Variants in SIDT2 observed in about 807,000 individuals in gnomAD.
SIDT2 encodes SID1 transmembrane family member 2.
In SIDT2, 68 loss-of-function variants were observed where a neutral mutation model predicts 114.4. The ratio of observed to expected loss-of-function variants is 0.59; its 90% CI spans 0.49 to 0.73. The LOEUF (loss-of-function observed/expected upper bound fraction) is 0.73, where lower values mean the gene tolerates loss of function less well. Among genes scored for constraint, SIDT2 ranks in the 30% least tolerant of loss-of-function variants. The probability of loss-of-function intolerance (pLI) is 0.00; values close to 1 mark genes in which losing one functional copy is unlikely to be tolerated. For missense variants in SIDT2, 918 were observed against 1,097.1 expected (o/e 0.84, Z 2.31); for synonymous variants, 470 against 438.4 (o/e 1.07, Z -0.90).
chr11:117,195,114 A>AAAAAAAAT (rs2030850229), intron 24 of SIDT2, among the ~76,000 whole-genome samples: 1 of 144,702 alleles, frequency 6.9e-6, no homozygotes, highest in Non-Finnish European at 1.5e-5. Flanking sequence ...AAAAAAAAAA[A>AAAAAAAAT]GTCTTGGGTA....
At chr11:117,195,499 G>C (rs1198510520) in intron 24 of SIDT2, among the ~76,000 whole-genome samples, 1 of 152,222 alleles carries the variant, frequency 6.6e-6, no homozygotes, top group Non-Finnish European at 1.5e-5. Flanking sequence ...TCTCTGAGCT[G>C]AAGGCCTTCA....
intron 1 of SIDT2, among the ~76,000 whole-genome samples, 167 bp from the exon 2 acceptor site, chr11:117,181,249 G>A (rs2030271754): frequency 1.3e-5 from 2 of 152,072 alleles, no homozygotes; most frequent in Admixed American, 1.3e-4. Flanking sequence ...CTTTCCTGGA[G>A]TCTGGGGGTT....
chr11:117,192,225 C>T lies in SIDT2; in HGVS notation c.1873-29C>T, dbSNP rs1306519785. ...TCCGAGCCACTTCCCTCTCCACCCT[C>T]ACCGCTGCCCTTGGTGGCCTCCCGA... is the stretch of plus-strand genomic sequence containing the variant. On this transcript the variant is annotated intron_variant, in intron 19 of 25. Transcript: ENST00000324225. The surrounding 1 kb of genome is among the most constrained non-coding windows in gnomAD (Gnocchi z 5.9). The T allele has an allele frequency of 6.7e-7, 1 of 1,498,366 alleles. No homozygotes were observed. Among genetic ancestry groups the T allele is most frequent in the East Asian group, 2.3e-5 (1 of 44,324 alleles). The allele number at this position is 1,498,366 out of a possible 1,614,324, so 92.8% of individuals were successfully genotyped here.
Position 117,181,465 on chromosome 11 carries a change from C to T in SIDT2, c.233C>T (p.Ala78Val), listed in dbSNP as rs750749205. Residue 78 changes from alanine (A) to valine (V), a missense_variant, in exon 2 of 26, where the codon GCG becomes GTG. Ala to Val is a moderately conservative substitution (Grantham distance 64, BLOSUM62 0). Around this residue, in one of 4 missense-constraint regions of SIDT2, gnomAD observed 553 missense variants for 600.1 expected, o/e 0.92. Transcript: ENST00000324225. Reference sequence around the variant, plus strand: ...AACGTCCTGAACAAGCAGAAGGGGGCGCCGTTGCTGTTTGTGGTCCGCCAG... The same window carrying T: ...AACGTCCTGAACAAGCAGAAGGGGGTGCCGTTGCTGTTTGTGGTCCGCCAG... ...SVNVLNKQKG[A>V]PLLFVVRQKE... 1.4e-5 allele frequency: 23 copies of T among 1,613,580 alleles called. No individual in the cohort carries two copies. The highest frequency in any genetic ancestry group is 3.3e-5 in the Admixed American group (2 of 59,958).
Position 117,182,779 on chromosome 11 carries a change from G to T in SIDT2, c.675G>T (p.Met225Ile). 6.2e-7 allele frequency: 1 copy of T among 1,614,084 alleles called. No individual in the cohort carries two copies. The highest frequency in any genetic ancestry group is 1.1e-5 in the South Asian group (1 of 91,018). ...NVAFIGMYQTMTKKAAITVQR... is the reference protein window; with the variant it reads ...NVAFIGMYQTITKKAAITVQR... ...CCTTCATCGGCATGTACCAGACGAT[G>T]ACCAAGAAGGCGGCCATCACCGTAC... The change falls in exon 6 of 26, where the codon ATG (methionine) becomes ATT (isoleucine). Residue 225 changes from methionine to isoleucine, a missense_variant. Coordinates refer to ENST00000324225, the MANE Select transcript of SIDT2 (RefSeq NM_001040455.2).
At chr11:117,193,467 C>G (rs1474005706) in intron 23 of SIDT2, among the ~76,000 whole-genome samples, 2 of 152,206 alleles carry the variant, frequency 1.3e-5, no homozygotes, top group Admixed American at 6.5e-5. Flanking sequence ...GCCCTTGAAA[C>G]AGGTGGCATT....
At chr11:117,191,059 C>T (rs12419470) in intron 18 of SIDT2, 21,152 of 192,740 alleles carry the variant, frequency 0.11, 1,825 homozygotes, top group African/African-American at 0.26. Context: ...AGATGGATCA[C>T]GAGGTCAGGA....
At chr11:117,193,786 TGGGTGGGACAGCG>T (rs1296258238) in intron 23 of SIDT2, 54 bp from the exon 24 acceptor site, 6 of 1,166,012 alleles carry the variant, frequency 5.1e-6, no homozygotes, top group East Asian at 2.4e-5. Flanking sequence ...TGGGAAAGGC[TGGGTGGGACAGCG>T]GGGTGGGACA....
intron 24 of SIDT2, among the ~76,000 whole-genome samples, chr11:117,195,429 G>A (rs2030862398): frequency 6.6e-6 from 1 of 152,222 alleles, no homozygotes; most frequent in African/African-American, 2.4e-5. Flanking sequence ...TGAGCCTGCA[G>A]AAAGATTAGA....
Position 117,190,930 on chromosome 11 carries a change from C to G in SIDT2, c.1735+190C>G. ...CCTAGATGCTGCTTCATTCATCTGT[C>G]AAGCTATTCCTATGTAAAGGCATGT... On this transcript the variant is annotated intron_variant, in intron 18 of 25. Coordinates refer to ENST00000324225, the MANE Select transcript of SIDT2 (RefSeq NM_001040455.2). The surrounding 1 kb of genome is among the most constrained non-coding windows in gnomAD (Gnocchi z 4.1). 7.0e-6 allele frequency: 4 copies of G among 570,664 alleles called. No homozygotes were observed. Among genetic ancestry groups the G allele is most frequent in the Non-Finnish European group, 1.3e-5 (4 of 318,258 alleles). The allele number at this position is 570,664 out of a possible 1,614,324, so 35.4% of individuals were successfully genotyped here.
At chr11:117,194,302 G>T (rs1430757196) in intron 24 of SIDT2, among the ~76,000 whole-genome samples, 1 of 152,126 alleles carries the variant, frequency 6.6e-6, no homozygotes, top group Non-Finnish European at 1.5e-5. Context: ...GATAGGCCAT[G>T]TCTCTAAAAA....
At position 117,188,089 on chromosome 11, in the gene SIDT2, T is replaced by C. The variant is rs2030567541; in HGVS notation, c.1159+390T>C. The C allele has an allele frequency of 9.2e-6, 4 of 432,526 alleles. No individual in the cohort carries two copies. Among genetic ancestry groups the C allele is most frequent in the Non-Finnish European group, 1.8e-5 (4 of 219,602 alleles). 26.8% of individuals were successfully genotyped at this position (432,526 alleles called of 1,614,324 possible). Reference sequence around the variant, plus strand: ...ATTCCAGTAATTGCCCGCTCTTGTGTCTTCTGAGATAGCAGCAGAGCACAG... The same window carrying C: ...ATTCCAGTAATTGCCCGCTCTTGTGCCTTCTGAGATAGCAGCAGAGCACAG... On this transcript the variant is annotated intron_variant, in intron 12 of 25. Coordinates refer to ENST00000324225, the MANE Select transcript of SIDT2 (RefSeq NM_001040455.2). This position sits in a 1 kb window ranked among gnomAD's most constrained non-coding sequence, Gnocchi z 4.0.
At position 117,179,136 on chromosome 11, in the gene SIDT2, G is replaced by T; in HGVS notation, c.-128G>T. 1.2e-6 allele frequency: 1 copy of T among 867,550 alleles called. No individual in the cohort carries two copies. The highest frequency in any genetic ancestry group is 1.7e-5 in the African/African-American group (1 of 58,748). 53.7% of individuals were successfully genotyped at this position (867,550 alleles called of 1,614,324 possible). On this transcript the variant is annotated 5_prime_UTR_variant, in exon 1 of 26. Transcript: ENST00000324225. ...GGGACATTTCCTAATCTCAGGCCGG[G>T]GTTAAAGTTCTGGTCCTGGTGAGAT...
chr11:117,194,992 CAGG>C (rs1383369615), intron 24 of SIDT2, among the ~76,000 whole-genome samples: 1 of 142,308 alleles, frequency 7.0e-6, no homozygotes, highest in Non-Finnish European at 1.5e-5. Context: ...GAGGCAGAGG[CAGG>C]AGAACGGCTT....
chr11:117,185,364 A>C (rs7107152), intron 8 of SIDT2, among the ~76,000 whole-genome samples: 1 of 151,890 alleles, frequency 6.6e-6, no homozygotes, highest in Non-Finnish European at 1.5e-5. Context: ...CCTCTCTTAC[A>C]TGGATTATTT....
chr11:117,179,319 A>G lies in SIDT2; in HGVS notation c.56A>G (p.His19Arg), dbSNP rs2030168016. Residue 19 changes from histidine to arginine, a missense_variant, in exon 1 of 26, where the codon CAT becomes CGT. By Grantham distance (29) the His-to-Arg change is conservative. Transcript: ENST00000324225. ...CTCTTGGTGGCCTCGGTCGAGAGCC[A>G]TCTGGGGGTTCTGGGGCCCAAGAAC... The part of the protein sequence containing the change: ...LVLLVASVES[H>R]LGVLGPKNVS... 3 of 1,613,998 alleles carry G rather than the reference A, an allele frequency of 1.9e-6. No homozygotes were observed. Among genetic ancestry groups the G allele is most frequent in the Non-Finnish European group, 2.5e-6 (3 of 1,180,024 alleles).
At position 117,193,909 on chromosome 11, in the gene SIDT2, C is replaced by T. The variant is rs753477196; in HGVS notation, c.2268C>T (p.Ser756=). 1.4e-5 allele frequency: 23 copies of T among 1,614,134 alleles called. 1 individual carries two copies. In the East Asian group the frequency reaches 2.7e-4, roughly 19 times the overall value. ...CCCTGCTCTGCATCGTTTGCACCTCCGTGGTCTGGGGCTTCGCGCTCTTCT... is the reference window on the plus strand; with the variant it reads ...CCCTGCTCTGCATCGTTTGCACCTCTGTGGTCTGGGGCTTCGCGCTCTTCT... ...LIPLLCIVCT[S]VVWGFALFFF... The change falls in exon 24 of 26, where the codon TCC becomes TCT. Residue 756 remains serine, a synonymous_variant. Coordinates refer to ENST00000324225, the MANE Select transcript of SIDT2 (RefSeq NM_001040455.2).
At chr11:117,187,727 T>C (rs570422290) in intron 12 of SIDT2, 28 bp downstream of exon 12, 1 of 1,607,244 alleles carries the variant, frequency 6.2e-7, no homozygotes, top group Admixed American at 1.7e-5. Context: ...GGAGGGGCGG[T>C]GTGGTGCAGG....
intron 24 of SIDT2, chr11:117,194,227 A>G (rs1450986330): frequency 1.7e-5 from 6 of 347,932 alleles, no homozygotes; most frequent in Non-Finnish European, 2.7e-5. Flanking sequence ...AGGCAAGAAG[A>G]TAGCCTGTGC....
Sources: allele counts gnomAD v4.1 joint callset (sites outside exome capture counted in the v4.1 genomes callset), GRCh38; gene constraint gnomAD v4.1.1; regional missense constraint gnomAD v4.1.1; non-coding constraint Gnocchi (gnomAD v3.1); transcripts MANE v1.5; gene names NCBI Gene and HGNC (gene_info 2026-07-23, HGNC 2026-07-21).